The following MTMR2 variants were observed in gnomAD, a reference collection of about 807,000 sequenced individuals.
The protein encoded by MTMR2 is phosphatidylinositol-3,5-bisphosphate 3-phosphatase MTMR2.
Under a neutral mutation model 86.9 loss-of-function variants are expected in MTMR2, and 55 were observed. The observed-to-expected ratio is 0.63, with a 90% CI of 0.51 to 0.79. The LOEUF (loss-of-function observed/expected upper bound fraction) is 0.79, where lower values mean the gene tolerates loss of function less well. Ranked by LOEUF, MTMR2 falls within the 30% of genes least tolerant of loss-of-function variation. The pLI, the probability that MTMR2 is intolerant of heterozygous loss-of-function variation, is 0.00. For missense variants in MTMR2, 659 were observed against 772.3 expected (o/e 0.85, Z 1.74); for synonymous variants, 241 against 266.8 (o/e 0.90, Z 0.94).
chr11:95,887,233 T>A (rs1012715398), intron 2 of MTMR2, among the ~76,000 whole-genome samples: 1 of 152,142 alleles, frequency 6.6e-6, no homozygotes, highest in Admixed American at 6.5e-5. Flanking sequence ...TAGCTAAAAT[T>A]GTGTAAGTGT....
chr11:95,861,788 T>C (rs1864430005), intron 5 of MTMR2, among the ~76,000 whole-genome samples: 1 of 152,178 alleles, frequency 6.6e-6, no homozygotes, highest in Non-Finnish European at 1.5e-5. Flanking sequence ...TAGACTGAAC[T>C]GGGCCCAAAA....
chr11:95,900,642 G>A (rs1191781850), intron 1 of MTMR2, among the ~76,000 whole-genome samples: 1 of 143,812 alleles, frequency 7.0e-6, no homozygotes, highest in African/African-American at 2.5e-5. Flanking sequence ...TTTTTTTTAG[G>A]TTCAAAGCCA....
chr11:95,914,106 G>A (rs756052908), intron 1 of MTMR2: 1 of 801,666 alleles, frequency 1.2e-6, no homozygotes, highest in Non-Finnish European at 1.5e-6. Context: ...ACAGGGACTT[G>A]GAAATGGAAC....
intron 1 of MTMR2, among the ~76,000 whole-genome samples, chr11:95,920,330 T>C (rs11021347): frequency 0.34 from 51,375 of 152,030 alleles, 9,448 homozygotes; most frequent in Non-Finnish European, 0.41. Flanking sequence ...TTGTTTGAGA[T>C]GGAGTCTCAC....
chr11:95,834,184 A>G lies in MTMR2; in HGVS notation c.*1106T>C, dbSNP rs1863148614. ...ACATTACATATGGCTCTTATGTAGA[A>G]TAAAATAGACATCAGAGTCAAATGT... is the stretch of plus-strand genomic sequence containing the variant. On this transcript the variant is annotated 3_prime_UTR_variant, in exon 15 of 15. Coordinates refer to ENST00000346299, the MANE Select transcript of MTMR2 (RefSeq NM_016156.6). The G allele has an allele frequency of 2.6e-5, 4 of 152,584 alleles. No individual in the cohort carries two copies. The highest frequency in any genetic ancestry group is 4.8e-5 in the African/African-American group (2 of 41,466). The allele number at this position is 152,584 out of a possible 1,614,324, so 9.5% of individuals were successfully genotyped here. A position where few individuals can be genotyped will look rare whatever the true frequency, so the allele number is the denominator to read the frequency against.
intron 1 of MTMR2, among the ~76,000 whole-genome samples, chr11:95,898,242 C>T (rs1168549236): frequency 6.8e-6 from 1 of 147,380 alleles, no homozygotes; most frequent in Non-Finnish European, 1.5e-5. Context: ...TCTATAATTA[C>T]TAATGGCCTG....
chr11:95,851,212 G>A (rs1036308772), intron 7 of MTMR2, among the ~76,000 whole-genome samples: 3 of 151,532 alleles, frequency 2.0e-5, no homozygotes, highest in Non-Finnish European at 2.9e-5. Flanking sequence ...ACAGCCGTAC[G>A]CCACCATGCT....
At chr11:95,878,697 T>C (rs1041509731) in intron 2 of MTMR2, among the ~76,000 whole-genome samples, 3 of 152,122 alleles carry the variant, frequency 2.0e-5, no homozygotes, top group African/African-American at 2.4e-5. Flanking sequence ...CACACCAATA[T>C]AGCCCCACTT....
chr11:95,853,058 TAC>T (rs1565353503), intron 7 of MTMR2, among the ~76,000 whole-genome samples: 5,081 of 149,094 alleles, frequency 0.034, 130 homozygotes, highest in South Asian at 0.089. Context: ...TATATATATA[TAC>T]ACAGTTCACT....
At chr11:95,920,428 C>G (rs1866874403) in intron 1 of MTMR2, among the ~76,000 whole-genome samples, 2 of 152,184 alleles carry the variant, frequency 1.3e-5, no homozygotes, top group African/African-American at 4.8e-5. Flanking sequence ...GTACCTCAGC[C>G]TCCCAAGTAG....
intron 2 of MTMR2, among the ~76,000 whole-genome samples, chr11:95,887,320 A>G (rs1865548584): frequency 6.6e-6 from 1 of 152,228 alleles, no homozygotes; most frequent in East Asian, 1.9e-4. Context: ...ATACAAGAAG[A>G]CATACCCTCA....
intron 13 of MTMR2, among the ~76,000 whole-genome samples, chr11:95,837,126 T>A (rs1359595273): frequency 6.6e-6 from 1 of 152,058 alleles, no homozygotes; most frequent in Non-Finnish European, 1.5e-5. Context: ...GTGCCTGCTA[T>A]GCATAGAAAT....
chr11:95,838,342 T>C, intron 12 of MTMR2, 135 bp from the exon 13 acceptor site: 4 of 667,128 alleles, frequency 6.0e-6, no homozygotes, highest in Non-Finnish European at 1.1e-5. Context: ...CAAGCCATTA[T>C]GGCATTATTC....
intron 2 of MTMR2, among the ~76,000 whole-genome samples, chr11:95,886,526 C>T (rs1865517050): frequency 1.3e-5 from 2 of 152,244 alleles, no homozygotes; most frequent in African/African-American, 4.8e-5. Flanking sequence ...CTTCATCTAT[C>T]CATTTTCAGC....
intron 6 of MTMR2, among the ~76,000 whole-genome samples, chr11:95,858,037 T>G (rs1403819962): frequency 6.6e-6 from 1 of 152,158 alleles, no homozygotes; most frequent in Non-Finnish European, 1.5e-5. Context: ...GCCCTTGAGT[T>G]AACTGCTTAC....
At chr11:95,851,055 C>CTTTTTTTTTT (rs55809121) in intron 7 of MTMR2, among the ~76,000 whole-genome samples, 1 of 93,396 alleles carries the variant, frequency 1.1e-5, no homozygotes, top group Non-Finnish European at 1.9e-5. Context: ...TCAAATATTC[C>CTTTTTTTTTT]TTTTTTTTTT....
intron 2 of MTMR2, among the ~76,000 whole-genome samples, chr11:95,871,457 T>A (rs1289821856): frequency 6.6e-6 from 1 of 152,350 alleles, no homozygotes; most frequent in Non-Finnish European, 1.5e-5. Context: ...GGTATCTCAT[T>A]GTGGTTTTCA....
chr11:95,899,884 G>T (rs182274752), intron 1 of MTMR2, among the ~76,000 whole-genome samples: 3 of 152,108 alleles, frequency 2.0e-5, no homozygotes, highest in African/African-American at 7.2e-5. Context: ...AATAAACCTC[G>T]ATACCATGCT....
intron 1 of MTMR2, among the ~76,000 whole-genome samples, chr11:95,889,577 A>T (rs1314980278): frequency 1.3e-5 from 2 of 151,610 alleles, no homozygotes; most frequent in African/African-American, 4.8e-5. Flanking sequence ...TGTTCTCCTC[A>T]AACTCCTGGC....
Sources: gnomAD v4.1 joint callset for allele counts (sites outside exome capture counted in the v4.1 genomes callset) on GRCh38, gnomAD v4.1.1 for gene constraint, MANE v1.5 for transcripts, NCBI Gene and HGNC (gene_info 2026-07-23, HGNC 2026-07-21) for gene names.